Variants in STAG1 observed in about 807,000 individuals in gnomAD.
STAG1 encodes the protein cohesin subunit SA-1.
STAG1 carries 26 observed loss-of-function variants against 170.9 expected under a neutral mutation model. The ratio of observed to expected loss-of-function variants is 0.15; its 90% CI spans 0.11 to 0.21. STAG1 has a LOEUF of 0.21. Among genes scored for constraint, STAG1 ranks in the 10% least tolerant of loss-of-function variants. The pLI is 1.00. For synonymous variants in STAG1, 514 were observed against 497.7 expected, an observed-to-expected ratio of 1.03 and a Z score of -0.44; for missense variants, 964 against 1,509.5, an observed-to-expected ratio of 0.64 and a Z score of 5.99.
At chr3:136,547,382 T>C (rs1576593288) in intron 5 of STAG1, among the ~76,000 whole-genome samples, 1 of 152,170 alleles carries the variant, frequency 6.6e-6, no homozygotes, top group East Asian at 1.9e-4. Context: ...AGCTGTCATG[T>C]CTTCTTAGAC....
intron 1 of STAG1, among the ~76,000 whole-genome samples, chr3:136,723,503 C>T (rs1472892796): frequency 6.6e-6 from 1 of 151,912 alleles, no homozygotes; most frequent in African/African-American, 2.4e-5. Context: ...CGGCAGCCAC[C>T]CCATCTGGGA....
chr3:136,751,075 G>A (rs1339084865), intron 1 of STAG1, among the ~76,000 whole-genome samples: 2 of 151,818 alleles, frequency 1.3e-5, no homozygotes, highest in Admixed American at 6.6e-5. Context: ...CTATTTTTGC[G>A]AAGATGCAAG....
At position 136,337,884 on chromosome 3, in the gene STAG1, ATGTT is replaced by A. The variant is rs1011884458; in HGVS notation, c.*366_*369del. ...ACAACAGGAAAATAAAGTTAAAAAT[ATGTT>A]TTTTTTTACTCAATGTTGAGTTTTC... is the stretch of plus-strand genomic sequence containing the variant. On this transcript the variant is annotated 3_prime_UTR_variant, in exon 34 of 34. Coordinates refer to ENST00000383202, the MANE Select transcript of STAG1 (RefSeq NM_005862.3). 3 of 177,538 alleles carry A rather than the reference ATGTT, an allele frequency of 1.7e-5. No individual in the cohort carries two copies. The highest frequency in any genetic ancestry group is 4.7e-5 in the African/African-American group (2 of 42,694). The allele number at this position is 177,538 out of a possible 1,614,324, so 11.0% of individuals were successfully genotyped here.
At chr3:136,734,371 G>A (rs1238678351) in intron 1 of STAG1, among the ~76,000 whole-genome samples, 1 of 152,112 alleles carries the variant, frequency 6.6e-6, no homozygotes, top group Non-Finnish European at 1.5e-5. Context: ...TAAGATTGAG[G>A]AGGCAGACAG....
chr3:136,698,547 G>T (rs1942963522), intron 1 of STAG1, among the ~76,000 whole-genome samples: 3 of 152,150 alleles, frequency 2.0e-5, no homozygotes, highest in Non-Finnish European at 4.4e-5. Context: ...CTGCTGGTAG[G>T]AATGTAAACT....
intron 4 of STAG1, among the ~76,000 whole-genome samples, chr3:136,598,558 C>T (rs986066168): frequency 2.6e-5 from 4 of 151,972 alleles, no homozygotes; most frequent in African/African-American, 9.7e-5. Context: ...TCCCAAGTAG[C>T]TGGGACTATA....
intron 9 of STAG1, among the ~76,000 whole-genome samples, chr3:136,495,185 A>C (rs1179007185): frequency 6.6e-6 from 1 of 152,214 alleles, no homozygotes; most frequent in Non-Finnish European, 1.5e-5. Flanking sequence ...ATGGTAATTC[A>C]ATTGGGGAAA....
chr3:136,436,634 T>A (rs1183102606), intron 15 of STAG1, among the ~76,000 whole-genome samples: 1 of 152,206 alleles, frequency 6.6e-6, no homozygotes, highest in Non-Finnish European at 1.5e-5. Flanking sequence ...TCTCCTTCCC[T>A]CTGTATACTT....
intron 1 of STAG1, among the ~76,000 whole-genome samples, chr3:136,647,812 T>C (rs1339365626): frequency 6.6e-6 from 1 of 152,216 alleles, no homozygotes; most frequent in Non-Finnish European, 1.5e-5. Context: ...TCATTGCTTC[T>C]ACCTTCTCAT....
chr3:136,422,517 A>C lies in STAG1; in HGVS notation c.1930T>G (p.Cys644Gly). 1 of 1,614,100 alleles carries C rather than the reference A, an allele frequency of 6.2e-7. No individual in the cohort carries two copies. The highest frequency in any genetic ancestry group is 8.5e-7 in the Non-Finnish European group (1 of 1,179,986). ...EACSKTYSIL[C>G]SEEYTIQNRV... ...TTCTGGATGGTATATTCTTCACTGC[A>C]TAAGATACTATAGGTTTTACTGCAG... is the stretch of plus-strand genomic sequence containing the variant. The change falls in exon 19 of 34, where the codon TGC becomes GGC. Residue 644 changes from cysteine to glycine, a missense_variant. By Grantham distance (159) the Cys-to-Gly change is radical. This residue lies in a region of STAG1 where 232 missense variants were observed against 313.0 expected (regional missense o/e 0.74). Transcript: ENST00000383202.
intron 3 of STAG1, among the ~76,000 whole-genome samples, chr3:136,606,547 T>C (rs902432017): frequency 2.6e-5 from 4 of 152,136 alleles, no homozygotes; most frequent in Non-Finnish European, 5.9e-5. Context: ...CAGGATACAA[T>C]ATTACATTCA....
At chr3:136,636,655 G>A (rs987548026) in intron 1 of STAG1, among the ~76,000 whole-genome samples, 2 of 152,162 alleles carry the variant, frequency 1.3e-5, no homozygotes, top group African/African-American at 4.8e-5. Context: ...CAATAGTTAA[G>A]TTCCTACAGC....
At chr3:136,508,320 C>G (rs1399994571) in intron 7 of STAG1, among the ~76,000 whole-genome samples, 1 of 152,118 alleles carries the variant, frequency 6.6e-6, no homozygotes, top group Non-Finnish European at 1.5e-5. Flanking sequence ...GTGAGTGGGT[C>G]TCATGCAATC....
intron 4 of STAG1, among the ~76,000 whole-genome samples, chr3:136,601,449 C>T (rs562412397): frequency 2.6e-5 from 4 of 152,260 alleles, no homozygotes; most frequent in East Asian, 3.9e-4. Flanking sequence ...GGTGGGTTAA[C>T]ACCAAATTAT....
At chr3:136,620,601 A>G (rs920341364) in intron 3 of STAG1, among the ~76,000 whole-genome samples, 4 of 152,236 alleles carry the variant, frequency 2.6e-5, no homozygotes, top group Non-Finnish European at 4.4e-5. Context: ...AAATAACATA[A>G]AAAGCCAAAA....
intron 5 of STAG1, among the ~76,000 whole-genome samples, chr3:136,562,734 C>A (rs1936896428): frequency 6.6e-6 from 1 of 151,864 alleles, no homozygotes; most frequent in South Asian, 2.1e-4. Flanking sequence ...ATTGCAGGCG[C>A]CTATCACCAT....
chr3:136,687,042 G>T (rs1245320501), intron 1 of STAG1, among the ~76,000 whole-genome samples: 1 of 152,168 alleles, frequency 6.6e-6, no homozygotes, highest in East Asian at 1.9e-4. Context: ...TCTTGGTAAA[G>T]TATCTCTTTT....
chr3:136,372,884 C>A (rs1158369808), intron 23 of STAG1, among the ~76,000 whole-genome samples: 3 of 152,084 alleles, frequency 2.0e-5, no homozygotes, highest in African/African-American at 7.2e-5. Flanking sequence ...GGGAGGATTC[C>A]CTCTTTTTCT....
At chr3:136,626,529 TAA>T (rs1940103281) in intron 2 of STAG1, among the ~76,000 whole-genome samples, 2 of 152,066 alleles carry the variant, frequency 1.3e-5, no homozygotes, top group South Asian at 4.1e-4. Flanking sequence ...TGACATAACA[TAA>T]ATGCAGCCAT....
Sources: gnomAD v4.1 joint callset for allele counts (sites outside exome capture counted in the v4.1 genomes callset) on GRCh38, gnomAD v4.1.1 for gene constraint, gnomAD v4.1.1 regional missense constraint, MANE v1.5 for transcripts, NCBI Gene and HGNC (gene_info 2026-07-23, HGNC 2026-07-21) for gene names.